Variants in TOX2 observed in about 807,000 individuals in gnomAD.
TOX2 encodes granulosa cell HMG box 1.
A neutral mutation model predicts 47.4 loss-of-function variants in TOX2; 15 were observed. That is an observed-to-expected ratio of 0.32 (90% CI 0.21 to 0.49). The LOEUF is 0.49. TOX2 is among the 20% of genes least tolerant of loss of function. The pLI is 0.99. For missense variants in TOX2, 622 were observed against 673.1 expected (o/e 0.92, Z 0.84); for synonymous variants, 290 against 296.6 (o/e 0.98, Z 0.23).
intron 1 of TOX2, among the ~76,000 whole-genome samples, chr20:43,948,970 A>T (rs1311502771): frequency 6.6e-6 from 1 of 152,120 alleles, no homozygotes; most frequent in Non-Finnish European, 1.5e-5. Flanking sequence ...TGCTGTGAAG[A>T]GCAATTGAGG....
At chr20:43,942,306 A>G (rs548720237) in intron 1 of TOX2, among the ~76,000 whole-genome samples, 1 of 152,240 alleles carries the variant, frequency 6.6e-6, no homozygotes, top group Non-Finnish European at 1.5e-5. Context: ...ATCTAAGGGT[A>G]CAGCCAGGAT....
At chr20:43,958,255 T>C (rs1336494151) in intron 1 of TOX2, among the ~76,000 whole-genome samples, 1 of 152,248 alleles carries the variant, frequency 6.6e-6, no homozygotes. Flanking sequence ...TGTTTCACTC[T>C]CTGGCCAGAT....
chr20:44,060,997 C>A (rs1600800686), intron 5 of TOX2, among the ~76,000 whole-genome samples: 1 of 151,950 alleles, frequency 6.6e-6, no homozygotes, highest in East Asian at 1.9e-4. Context: ...ACTGATAGAC[C>A]ATTAGTGAGA....
chr20:43,985,530 T>C (rs2070248469), intron 2 of TOX2, among the ~76,000 whole-genome samples: 1 of 152,224 alleles, frequency 6.6e-6, no homozygotes, highest in Admixed American at 6.5e-5. Context: ...ATTTTGTCTT[T>C]AGAAGTTCCT....
intron 3 of TOX2, among the ~76,000 whole-genome samples, chr20:44,025,094 C>A (rs6031300): frequency 0.037 from 5,594 of 152,094 alleles, 369 homozygotes; most frequent in African/African-American, 0.13. Flanking sequence ...TATTTCTGAT[C>A]TTTTCTATTA....
chr20:44,015,754 A>G (rs2070868082), intron 3 of TOX2, among the ~76,000 whole-genome samples: 1 of 152,140 alleles, frequency 6.6e-6, no homozygotes, highest in South Asian at 2.1e-4. Flanking sequence ...TTTTACCTCC[A>G]CTAACTCTTT....
intron 3 of TOX2, among the ~76,000 whole-genome samples, chr20:44,048,968 C>T (rs954726930): frequency 2.6e-5 from 4 of 152,276 alleles, no homozygotes; most frequent in Middle Eastern, 3.4e-3. Context: ...GAAACCCCGT[C>T]TCGCTCTACT....
chr20:43,945,915 G>T (rs2069461509), intron 1 of TOX2: 1 of 1,612,774 alleles, frequency 6.2e-7, no homozygotes, highest in Non-Finnish European at 8.5e-7. Flanking sequence ...TGCTGATTAT[G>T]CAGCAGACTC....
At chr20:44,035,012 C>A (rs2071217152) in intron 3 of TOX2, among the ~76,000 whole-genome samples, 1 of 152,200 alleles carries the variant, frequency 6.6e-6, no homozygotes, top group South Asian at 2.1e-4. Flanking sequence ...TTGACTCAGC[C>A]ACTACTCATC....
chr20:44,014,571 C>A (rs972426677), intron 3 of TOX2, among the ~76,000 whole-genome samples: 1 of 152,142 alleles, frequency 6.6e-6, no homozygotes, highest in Admixed American at 6.6e-5. Context: ...CCTTGTTACC[C>A]CCAACCCTGT....
At chr20:43,925,065 A>T (rs778879888) in intron 1 of TOX2, among the ~76,000 whole-genome samples, 1 of 152,116 alleles carries the variant, frequency 6.6e-6, no homozygotes, top group Non-Finnish European at 1.5e-5. Context: ...TTCTTCTTTT[A>T]TGGATATGTG....
intron 3 of TOX2, among the ~76,000 whole-genome samples, chr20:44,020,334 C>A (rs1049676200): frequency 5.3e-5 from 8 of 152,090 alleles, no homozygotes; most frequent in African/African-American, 1.9e-4. Flanking sequence ...AGCATTAGGA[C>A]AAATACCTAA....
At chr20:43,919,583 C>T (rs182795937) in intron 1 of TOX2, among the ~76,000 whole-genome samples, 1 of 152,228 alleles carries the variant, frequency 6.6e-6, no homozygotes, top group Admixed American at 6.5e-5. Context: ...TAAACGTCTG[C>T]CATGGTGGTT....
At chr20:43,958,011 A>T (rs1293485011) in intron 1 of TOX2, among the ~76,000 whole-genome samples, 1 of 152,164 alleles carries the variant, frequency 6.6e-6, no homozygotes, top group South Asian at 2.1e-4. Flanking sequence ...ACAATTCGAC[A>T]TGAGACTTGG....
intron 3 of TOX2, among the ~76,000 whole-genome samples, chr20:44,046,498 T>C (rs2071410341): frequency 6.6e-6 from 1 of 152,216 alleles, no homozygotes; most frequent in African/African-American, 2.4e-5. Context: ...CTCCACGAGA[T>C]ACTTGTGCAC....
intron 1 of TOX2, among the ~76,000 whole-genome samples, chr20:43,926,272 C>T (rs1035728525): frequency 6.6e-6 from 1 of 152,168 alleles, no homozygotes; most frequent in South Asian, 2.1e-4. Flanking sequence ...CTCCCACCCC[C>T]ACTCCCATGC....
At chr20:44,056,102 G>A (rs539987707) in intron 5 of TOX2, among the ~76,000 whole-genome samples, 1 of 152,266 alleles carries the variant, frequency 6.6e-6, no homozygotes, top group East Asian at 1.9e-4. Context: ...CTTAGAACGT[G>A]CCAGGCCTCA....
At chr20:44,005,246 T>C (rs1422537536) in intron 2 of TOX2, among the ~76,000 whole-genome samples, 1 of 152,232 alleles carries the variant, frequency 6.6e-6, no homozygotes, top group African/African-American at 2.4e-5. Flanking sequence ...AGAATGCTGA[T>C]TGAACAGGCA....
intron 3 of TOX2, chr20:44,039,318 G>T (rs1600769661): frequency 1.6e-6 from 2 of 1,288,406 alleles, no homozygotes; most frequent in East Asian, 1.1e-4. Flanking sequence ...GAAGGGGCTG[G>T]AGAGGTCAGG....
Sources: allele counts gnomAD v4.1 joint callset (sites outside exome capture counted in the v4.1 genomes callset), GRCh38; gene constraint gnomAD v4.1.1; transcripts MANE v1.5; gene names NCBI Gene and HGNC (gene_info 2026-07-23, HGNC 2026-07-21).